RARG: variants seen among roughly 807,000 people sequenced by gnomAD.
The protein encoded by RARG is retinoic acid receptor gamma, also known as RAR-gamma.
In RARG, 17 loss-of-function variants were observed where a neutral mutation model predicts 43.7. The ratio of observed to expected loss-of-function variants is 0.39; its 90% CI spans 0.27 to 0.58. The LOEUF (loss-of-function observed/expected upper bound fraction) is 0.58. Ranked by LOEUF, RARG falls within the 20% of genes least tolerant of loss-of-function variation. The pLI is 0.57. For missense variants in RARG, 346 were observed against 598.7 expected, an observed-to-expected ratio of 0.58 and a Z score of 4.40; for synonymous variants, 238 against 236.4, an observed-to-expected ratio of 1.01 and a Z score of -0.06.
Position 53,210,984 on chromosome 12 carries a change from A to G in RARG, c.*692T>C, listed in dbSNP as rs115819161. 2,700 of 152,792 alleles carry G rather than the reference A, an allele frequency of 0.018. 117 individuals are homozygous for G. The highest frequency in any genetic ancestry group is 0.15 in the East Asian group (774 of 5,178). 9.5% of individuals were successfully genotyped at this position (152,792 alleles called of 1,614,324 possible). A position where few individuals can be genotyped will look rare whatever the true frequency, so the allele number is the denominator to read the frequency against. Reference sequence around the variant, plus strand: ...GTAGTGTAGGAGGGTCCCTGCCCCAATGGCTGAGATGGAGGGCAGGAGGAG... The same window carrying G: ...GTAGTGTAGGAGGGTCCCTGCCCCAGTGGCTGAGATGGAGGGCAGGAGGAG... On this transcript the variant is annotated 3_prime_UTR_variant, in exon 10 of 10. Transcript: ENST00000425354.
At chr12:53,220,515 A>T (rs962270773) in intron 3 of RARG, 9 of 381,172 alleles carry the variant, frequency 2.4e-5, no homozygotes, top group Admixed American at 9.0e-5. Context: ...TTGCTTAGAC[A>T]CACATCCGTG....
At position 53,212,735 on chromosome 12, in the gene RARG, TATACAC is replaced by T. The variant is rs1368432158; in HGVS notation, c.1177+344_1177+349del. ...CCAAGACTTTGTCTCTAAATATATA[TATACAC>T]ACACACACACACACACACACACACA... On this transcript the variant is annotated intron_variant, in intron 9 of 9. Coordinates refer to ENST00000425354, the MANE Select transcript of RARG (RefSeq NM_000966.6). 3.2e-3 allele frequency among the ~76,000 whole-genome samples: 437 copies of T among 136,960 alleles called. 3 individuals carry two copies. Among genetic ancestry groups the T allele is most frequent in the African/African-American group, 0.011 (339 of 31,710 alleles). 89.9% of individuals were successfully genotyped at this position (136,960 alleles called of 152,430 possible).
In RARG at chr12:53,227,762, A is replaced by G. The variant is rs1943142347; in HGVS notation, c.-142-75T>C. ...GTTCCAAGCCCTGTGACCCTCTCTC[A>G]GTTGCAGTCTTCTCCCTCTGTGCTG... On this transcript the variant is annotated intron_variant, in intron 2 of 9. Coordinates refer to ENST00000425354, the MANE Select transcript of RARG (RefSeq NM_000966.6). The surrounding 1 kb of genome is among the most constrained non-coding windows in gnomAD (Gnocchi z 4.3). The G allele has an allele frequency of 2.8e-6, 3 of 1,071,460 alleles. No homozygotes were observed. The highest frequency in any genetic ancestry group is 3.6e-6 in the Non-Finnish European group (3 of 827,672). The allele number at this position is 1,071,460 out of a possible 1,614,324, so 66.4% of individuals were successfully genotyped here.
chr12:53,224,119 G>A (rs528143860), intron 3 of RARG, among the ~76,000 whole-genome samples: 8 of 152,052 alleles, frequency 5.3e-5, no homozygotes, highest in African/African-American at 1.9e-4. Flanking sequence ...ACACACGCAC[G>A]CACACACACG....
intron 3 of RARG, among the ~76,000 whole-genome samples, chr12:53,221,636 G>A (rs1009797366): frequency 5.9e-5 from 9 of 152,178 alleles, no homozygotes; most frequent in African/African-American, 1.9e-4. Context: ...TGGGCGGGGG[G>A]CTGGCCACGT....
intron 9 of RARG, among the ~76,000 whole-genome samples, chr12:53,212,857 G>A (rs568798295): frequency 2.0e-5 from 3 of 152,156 alleles, no homozygotes; most frequent in African/African-American, 7.2e-5. Context: ...ATAGCCACAT[G>A]TGGCTAATGA....
At position 53,222,832 on chromosome 12, in the gene RARG, T is replaced by C. The variant is rs542611646; in HGVS notation, c.184+4530A>G. ...TTCCCCAAAGTTTCCCCAGCCCTTA[T>C]TGCAGCAATTAGACCCATTAGCCTT... On this transcript the variant is annotated intron_variant, in intron 3 of 9. Transcript: ENST00000425354. Among the ~76,000 whole-genome samples, 10 of 152,120 alleles carry C rather than the reference T, an allele frequency of 6.6e-5. No individual in the cohort carries two copies. In the South Asian group the frequency reaches 1.7e-3, roughly 25 times the overall value.
intron 3 of RARG, among the ~76,000 whole-genome samples, chr12:53,221,323 A>AT (rs1942955881): frequency 6.6e-6 from 1 of 151,978 alleles, no homozygotes; most frequent in East Asian, 1.9e-4. Flanking sequence ...TTCTTCGAAC[A>AT]TAACTTCACT....
chr12:53,228,552 C>G (rs1943162304), intron 2 of RARG, among the ~76,000 whole-genome samples: 2 of 152,166 alleles, frequency 1.3e-5, no homozygotes, highest in Admixed American at 1.3e-4. Context: ...CTTCCTGTCT[C>G]CAATTTTTCC....
rs1249971915 is a variant in RARG, at chr12:53,213,646, C to T, written c.868G>A (p.Asp290Asn). ...TPEQDTMTFS[D>N]GLTLNRTQMH... ...TGGGTCCGGTTCAGGGTCAGCCCGTCGGAGAAGGTCATGGTGTCCTGCTCT... is the reference window on the plus strand; with the variant it reads ...TGGGTCCGGTTCAGGGTCAGCCCGTTGGAGAAGGTCATGGTGTCCTGCTCT... The change falls in exon 8 of 10, where the codon GAC becomes AAC. Residue 290 changes from aspartate (D) to asparagine (N), a missense_variant. This residue lies in a region of RARG where 37 missense variants were observed against 146.3 expected (regional missense o/e 0.25). Transcript: ENST00000425354. This position sits in a 1 kb window ranked among gnomAD's most constrained non-coding sequence, Gnocchi z 4.7. 1.2e-6 allele frequency: 2 copies of T among 1,613,896 alleles called. No homozygotes were observed. Among genetic ancestry groups the T allele is most frequent in the Non-Finnish European group, 8.5e-7 (1 of 1,179,892 alleles).
chr12:53,228,742 G>A (rs1943166536), intron 2 of RARG, among the ~76,000 whole-genome samples: 1 of 151,974 alleles, frequency 6.6e-6, no homozygotes, highest in African/African-American at 2.4e-5. Context: ...GACAGCTAAT[G>A]TTTATATTTT....
chr12:53,225,246 C>A (rs370237758), intron 3 of RARG, among the ~76,000 whole-genome samples: 1 of 152,192 alleles, frequency 6.6e-6, no homozygotes, highest in Admixed American at 6.5e-5. Context: ...ACTCAAATAA[C>A]CCCTGTTGGA....
At chr12:53,224,415 G>A (rs1015482169) in intron 3 of RARG, among the ~76,000 whole-genome samples, 2 of 152,170 alleles carry the variant, frequency 1.3e-5, no homozygotes, top group Admixed American at 6.5e-5. Context: ...GAATGTGTGT[G>A]TGTCATCCAT....
At chr12:53,231,587 A>G (rs1257919166) in intron 1 of RARG, 1 of 152,594 alleles carries the variant, frequency 6.6e-6, no homozygotes, top group Non-Finnish European at 1.5e-5. Context: ...ATGGAACATC[A>G]AATCTACCCC....
intron 3 of RARG, among the ~76,000 whole-genome samples, chr12:53,223,598 C>G (rs1019988096): frequency 1.3e-5 from 2 of 150,164 alleles, no homozygotes; most frequent in African/African-American, 2.4e-5. Context: ...GAGCCTGTGC[C>G]GGAGGAGGAG....
intron 2 of RARG, among the ~76,000 whole-genome samples, chr12:53,228,504 T>G (rs1460690468): frequency 6.6e-6 from 1 of 152,176 alleles, no homozygotes; most frequent in Non-Finnish European, 1.5e-5. Flanking sequence ...CCTCTCTGTT[T>G]TCCTCAACAC....
intron 3 of RARG, chr12:53,220,011 G>A: frequency 2.0e-6 from 3 of 1,526,370 alleles, no homozygotes; most frequent in Middle Eastern, 1.7e-4. Context: ...AGGAGCCGCC[G>A]GTGGCTCTGC....
In RARG at chr12:53,226,968, C is replaced by T. The variant is rs986019345; in HGVS notation, c.184+394G>A. 3.3e-5 allele frequency among the ~76,000 whole-genome samples: 5 copies of T among 152,284 alleles called. No individual in the cohort carries two copies. In the East Asian group the frequency reaches 9.6e-4, roughly 29 times the overall value. On this transcript the variant is annotated intron_variant, in intron 3 of 9. Coordinates refer to ENST00000425354, the MANE Select transcript of RARG (RefSeq NM_000966.6). Reference sequence around the variant, plus strand: ...ACTGGCCTCCCAGACTCCTCTGCTTCCCAGTTTGGCTCCCTCCAACTCCCC... The same window carrying T: ...ACTGGCCTCCCAGACTCCTCTGCTTTCCAGTTTGGCTCCCTCCAACTCCCC...
chr12:53,213,475 C>A lies in RARG; in HGVS notation c.1018+21G>T. On this transcript the variant is annotated intron_variant, in intron 8 of 9. Transcript: ENST00000425354. The surrounding 1 kb of genome is among the most constrained non-coding windows in gnomAD (Gnocchi z 4.7). ...GAAAGGAGACTGAGCACTGAGCAGA[C>A]GCCAGGGGGCGCCCCCGCACCTCCG... 6.2e-7 allele frequency: 1 copy of A among 1,611,096 alleles called. No individual in the cohort carries two copies. The highest frequency in any genetic ancestry group is 1.1e-5 in the South Asian group (1 of 91,052).
Sources: allele counts gnomAD v4.1 joint callset (sites outside exome capture counted in the v4.1 genomes callset), GRCh38; gene constraint gnomAD v4.1.1; regional missense constraint gnomAD v4.1.1; non-coding constraint Gnocchi (gnomAD v3.1); transcripts MANE v1.5; gene names NCBI Gene and HGNC (gene_info 2026-07-23, HGNC 2026-07-21).